The following MYO9B variants were observed in gnomAD, a reference collection of about 807,000 sequenced individuals.
MYO9B encodes the protein unconventional myosin-IXb.
A neutral mutation model predicts 229.5 loss-of-function variants in MYO9B; 71 were observed. That is an observed-to-expected ratio of 0.31 (90% confidence interval 0.26 to 0.38). The LOEUF (loss-of-function observed/expected upper bound fraction) is 0.38. Ranked by LOEUF, MYO9B falls within the 10% of genes least tolerant of loss-of-function variation. MYO9B has a pLI of 1.00. For synonymous variants in MYO9B, 1,185 were observed against 1,235.8 expected, an observed-to-expected ratio of 0.96 and a Z score of 0.86; for missense variants, 2,255 against 2,920.5, an observed-to-expected ratio of 0.77 and a Z score of 5.25.
Position 17,145,982 on chromosome 19 carries a change from G to A in MYO9B, c.935+491G>A, listed in dbSNP as rs561112636. ...GGATGGATGGATGGATGGATGGATGGTTAGAGAGACAGATGGATTCATGGG... is the reference window on the plus strand; with the variant it reads ...GGATGGATGGATGGATGGATGGATGATTAGAGAGACAGATGGATTCATGGG... On this transcript the variant is annotated intron_variant, in intron 3 of 39. Transcript: ENST00000682292. 5.9e-5 allele frequency among the ~76,000 whole-genome samples: 9 copies of A among 151,402 alleles called. 1 individual carries two copies. Among genetic ancestry groups the A allele is most frequent in the African/African-American group, 2.2e-4 (9 of 41,090 alleles).
In MYO9B at chr19:17,173,323, G is replaced by GTC. The variant is rs3837924; in HGVS notation, c.2140+378_2140+379dup. ...TTTTTTTTTTTTTTTTAGAGACAGGGTCTCTCTCTCTCTCTCTCTTGCCCA... is the reference window on the plus strand; with the variant it reads ...TTTTTTTTTTTTTTTTAGAGACAGGGTCTCTCTCTCTCTCTCTCTCTTGCCCA... On this transcript the variant is annotated intron_variant, in intron 13 of 39. Transcript: ENST00000682292. Among the ~76,000 whole-genome samples, 102 of 139,244 alleles carry GTC rather than the reference G, an allele frequency of 7.3e-4. 1 individual carries two copies. The highest frequency in any genetic ancestry group is 1.9e-3 in the African/African-American group (72 of 37,980). 91.3% of individuals were successfully genotyped at this position (139,244 alleles called of 152,430 possible).
In MYO9B at chr19:17,172,671, TCAGCCCTTCCTGCGC is replaced by T. The variant is rs2072737852; in HGVS notation, c.1936-81_1936-67del. 6.5e-7 allele frequency: 1 copy of T among 1,532,414 alleles called. No individual in the cohort carries two copies. The highest frequency in any genetic ancestry group is 9.0e-7 in the Non-Finnish European group (1 of 1,112,292). The allele number at this position is 1,532,414 out of a possible 1,614,324, so 94.9% of individuals were successfully genotyped here. On this transcript the variant is annotated intron_variant, in intron 12 of 39. Transcript: ENST00000682292. The surrounding 1 kb of genome is among the most constrained non-coding windows in gnomAD (Gnocchi z 8.2). ...ACTTAGGATGGGCCCCACCCCACCG[TCAGCCCTTCCTGCGC>T]CAGCCCGGGGTCTTTGGTAGGCGCC...
intron 26 of MYO9B, 88 bp from the exon 27 acceptor site, chr19:17,201,838 G>A (rs2073109194): frequency 2.2e-6 from 2 of 905,102 alleles, no homozygotes; most frequent in Non-Finnish European, 3.5e-6. Context: ...TGACTTAAGA[G>A]AGGATAGAAG....
chr19:17,152,992 A>AT (rs1385937746), intron 4 of MYO9B, among the ~76,000 whole-genome samples: 2 of 152,080 alleles, frequency 1.3e-5, no homozygotes, highest in Non-Finnish European at 2.9e-5. Context: ...GATTGGAAAC[A>AT]TTTCTCAAGC....
At chr19:17,126,587 G>A (rs1361163177) in intron 2 of MYO9B, among the ~76,000 whole-genome samples, 5 of 152,156 alleles carry the variant, frequency 3.3e-5, no homozygotes, top group Admixed American at 6.5e-5. Context: ...CTGTGTGCCA[G>A]GAAAACGTCA....
At chr19:17,138,366 T>G (rs1443344593) in intron 2 of MYO9B, among the ~76,000 whole-genome samples, 1 of 152,192 alleles carries the variant, frequency 6.6e-6, no homozygotes, top group African/African-American at 2.4e-5. Context: ...AACATACGTG[T>G]GCATGTATCT....
At chr19:17,143,421 G>A (rs1242153961) in intron 2 of MYO9B, among the ~76,000 whole-genome samples, 1 of 152,174 alleles carries the variant, frequency 6.6e-6, no homozygotes, top group Non-Finnish European at 1.5e-5. Context: ...GAAGGAGGGA[G>A]GCCCAGGGCT....
intron 14 of MYO9B, among the ~76,000 whole-genome samples, chr19:17,177,061 C>T (rs968683247): frequency 5.0e-4 from 76 of 152,018 alleles, no homozygotes; most frequent in Middle Eastern, 3.4e-3. Context: ...ATTAGCCAGG[C>T]GTGGTGGCGA....
intron 32 of MYO9B, 23 bp from the exon 33 acceptor site, chr19:17,206,225 G>GTGGGGGCCCCCCCCCCC: frequency 1.3e-6 from 2 of 1,564,668 alleles, no homozygotes; most frequent in Non-Finnish European, 1.7e-6. Context: ...CCGCTCACCA[G>GTGGGGGCCCCCCCCCCC]ACCCACCCCA....
At position 17,197,795 on chromosome 19, in the gene MYO9B, G is replaced by A. The variant is rs536821631; in HGVS notation, c.4050G>A (p.Glu1350=). 6.2e-7 allele frequency: 1 copy of A among 1,613,826 alleles called. No individual in the cohort carries two copies. Among genetic ancestry groups the A allele is most frequent in the Non-Finnish European group, 8.5e-7 (1 of 1,179,890 alleles). ...ATGAALTPTE[E]RRTSFSTSDV... is the part of the protein sequence containing the mutation. The stretch of plus-strand genomic sequence containing the variant: ...CCATGTTTCTGTGATCTCGCAGGGA[G>A]AGGCGCACCTCCTTCTCCACGAGCG... The change falls in exon 23 of 40, where the codon GAG becomes GAA. Residue 1350 remains glutamate, a synonymous_variant. Coordinates refer to ENST00000682292, the MANE Select transcript of MYO9B (RefSeq NM_004145.4).
rs2072733015 is a variant in MYO9B at position 17,172,262 on chromosome 19, T to G, written c.1794-74T>G. The G allele has an allele frequency of 1.3e-6, 2 of 1,559,596 alleles. No homozygotes were observed. The highest frequency in any genetic ancestry group is 1.7e-6 in the Non-Finnish European group (2 of 1,147,752). On this transcript the variant is annotated intron_variant, in intron 11 of 39. Transcript: ENST00000682292. This position sits in a 1 kb window ranked among gnomAD's most constrained non-coding sequence, Gnocchi z 8.2. ...ACCCACCCACCTCGTGCACCAGGGG[T>G]CTGCAAGATAAAATACACAGCAGGT... is the stretch of plus-strand genomic sequence containing the variant.
intron 2 of MYO9B, among the ~76,000 whole-genome samples, chr19:17,127,866 A>C (rs2072144901): frequency 6.6e-6 from 1 of 152,224 alleles, no homozygotes; most frequent in South Asian, 2.1e-4. Context: ...CCTTCGCAGA[A>C]CAAGTTTACT....
intron 2 of MYO9B, among the ~76,000 whole-genome samples, chr19:17,125,774 G>A (rs1444849399): frequency 1.3e-5 from 2 of 152,200 alleles, no homozygotes; most frequent in East Asian, 1.9e-4. Context: ...CAGCTATCGA[G>A]AGCCTGCCGG....
At position 17,212,069 on chromosome 19, in the gene MYO9B, C is replaced by A. The variant is rs547079147; in HGVS notation, c.6233C>A (p.Ser2078Tyr). The stretch of plus-strand genomic sequence containing the variant: ...ATCAAGCTCCCACCAGGCCTGCCCT[C>A]CCACCTGCCTCGCTGGGCACCGGGT... ...ANIKLPPGLPSHLPRWAPGAR... is the reference protein window; with the variant it reads ...ANIKLPPGLPYHLPRWAPGAR... The change falls in exon 40 of 40, where the codon TCC becomes TAC. Residue 2078 changes from serine (S) to tyrosine (Y), a missense_variant. Ser to Tyr is a moderately radical substitution (Grantham distance 144, BLOSUM62 -2). Coordinates refer to ENST00000682292, the MANE Select transcript of MYO9B (RefSeq NM_004145.4). This position sits in a 1 kb window ranked among gnomAD's most constrained non-coding sequence, Gnocchi z 5.4. The A allele has an allele frequency of 7.5e-6, 12 of 1,600,506 alleles. No homozygotes were observed. The African/African-American group carries it at 1.6e-4, about 21-fold the overall frequency.
At chr19:17,132,551 C>G (rs1024174790) in intron 2 of MYO9B, among the ~76,000 whole-genome samples, 1 of 118,758 alleles carries the variant, frequency 8.4e-6, no homozygotes, top group Non-Finnish European at 1.7e-5. Context: ...TTTTTTGAGA[C>G]AGAGTCTCGC....
chr19:17,100,071 G>C (rs1179423281), intron 1 of MYO9B, among the ~76,000 whole-genome samples: 1 of 150,462 alleles, frequency 6.6e-6, no homozygotes, highest in Non-Finnish European at 1.5e-5. Flanking sequence ...GCAGTGAGCC[G>C]ACATCATGCC....
rs2073165324 is a variant in MYO9B at position 17,206,634 on chromosome 19, T to C, written c.5387-45T>C. The C allele has an allele frequency of 2.0e-6, 3 of 1,507,538 alleles. No individual in the cohort carries two copies. In the East Asian group the frequency reaches 7.4e-5, roughly 37 times the overall value. The allele number at this position is 1,507,538 out of a possible 1,614,324, so 93.4% of individuals were successfully genotyped here. A position where few individuals can be genotyped will look rare whatever the true frequency, so the allele number is the denominator to read the frequency against. Reference sequence around the variant, plus strand: ...GTGTTGGTGGGGACAACAGGCACCTTGGGGACCCTTGGGAGCTGACGTCCT... The same window carrying C: ...GTGTTGGTGGGGACAACAGGCACCTCGGGGACCCTTGGGAGCTGACGTCCT... On this transcript the variant is annotated intron_variant, in intron 33 of 39. Transcript: ENST00000682292.
Position 17,205,262 on chromosome 19 carries a change from G to A in MYO9B, c.4991-1G>A. ...TGACTCCCACCCTGTGGACCTCCTA[G>A]TGTGCAAGATGACCTGCCACAAGAA... is the stretch of plus-strand genomic sequence containing the variant. On this transcript the variant is annotated splice_acceptor_variant, in intron 30 of 39. Transcript: ENST00000682292. LOFTEE classifies it high-confidence loss of function. 1 of 1,613,504 alleles carries A rather than the reference G, an allele frequency of 6.2e-7. No individual in the cohort carries two copies. The highest frequency in any genetic ancestry group is 8.5e-7 in the Non-Finnish European group (1 of 1,179,726).
intron 1 of MYO9B, among the ~76,000 whole-genome samples, chr19:17,082,288 G>A (rs2057540597): frequency 1.3e-5 from 2 of 152,258 alleles, no homozygotes; most frequent in African/African-American, 2.4e-5. Context: ...AGCCTGTGAC[G>A]GGAGCCTGCC....
Sources: allele counts gnomAD v4.1 joint callset (sites outside exome capture counted in the v4.1 genomes callset), GRCh38; gene constraint gnomAD v4.1.1; non-coding constraint Gnocchi (gnomAD v3.1); transcripts MANE v1.5; gene names NCBI Gene and HGNC (gene_info 2026-07-23, HGNC 2026-07-21).